Variants in WDR5 observed in about 807,000 individuals in gnomAD.
WDR5 encodes WD repeat-containing protein 5.
For missense variants in WDR5, 187 were observed against 416.9 expected (o/e 0.45, Z 4.80); for synonymous variants, 144 against 161.6 (o/e 0.89, Z 0.83).
At chr9:134,155,807 C>A in intron 12 of WDR5, 40 bp downstream of exon 12, 3 of 1,591,572 alleles carry the variant, frequency 1.9e-6, no homozygotes. Context: ...CTGTTCCCAG[C>A]TTACTCTCCC....
At chr9:134,154,322 G>A (rs1350125674) in intron 9 of WDR5, 144 bp from the exon 10 acceptor site, 11 of 823,142 alleles carry the variant, frequency 1.3e-5, no homozygotes, top group South Asian at 4.5e-5. Context: ...CCTTCGGGGC[G>A]GCGAGGGGTG....
intron 7 of WDR5, among the ~76,000 whole-genome samples, chr9:134,145,790 C>T (rs1009593857): frequency 6.6e-6 from 1 of 152,152 alleles, no homozygotes; most frequent in Non-Finnish European, 1.5e-5. Flanking sequence ...TCCTTGCACC[C>T]GGGACCTGTG....
chr9:134,155,300 C>A, intron 10 of WDR5, 40 bp from the exon 11 acceptor site: 2 of 1,548,758 alleles, frequency 1.3e-6, no homozygotes, highest in South Asian at 1.2e-5. Context: ...CAGAAGGATG[C>A]CTCCAGACAT....
At position 134,157,442 on chromosome 9, in the gene WDR5, G is replaced by A. The variant is rs145546063; in HGVS notation, c.905-451G>A. ...TGGGGTGCTCTGGGGCTTAGCATTG[G>A]GGGGAGGCGGTGGGAGTGGGCGGCT... On this transcript the variant is annotated intron_variant, in intron 13 of 13. Coordinates refer to ENST00000358625, the MANE Select transcript of WDR5 (RefSeq NM_017588.3). This position sits in a 1 kb window ranked among gnomAD's most constrained non-coding sequence, Gnocchi z 5.0. Among the ~76,000 whole-genome samples, 2 of 152,164 alleles carry A rather than the reference G, an allele frequency of 1.3e-5. No individual in the cohort carries two copies. The highest frequency in any genetic ancestry group is 2.9e-5 in the Non-Finnish European group (2 of 68,030).
chr9:134,139,265 G>T (rs28377785), intron 1 of WDR5, among the ~76,000 whole-genome samples: 3,039 of 152,256 alleles, frequency 0.02, 46 homozygotes, highest in Middle Eastern at 0.031. Context: ...GGCAGCCTCG[G>T]GCCAGCAGCC....
At chr9:134,139,533 CT>C (rs1209475424) in intron 1 of WDR5, among the ~76,000 whole-genome samples, 6 of 152,170 alleles carry the variant, frequency 3.9e-5, no homozygotes, top group Admixed American at 1.3e-4. Flanking sequence ...TTTGCACAAA[CT>C]GCTGCATTCT....
At chr9:134,136,467 A>G (rs997764392) in intron 1 of WDR5, among the ~76,000 whole-genome samples, 4 of 151,706 alleles carry the variant, frequency 2.6e-5, no homozygotes, top group African/African-American at 7.3e-5. Flanking sequence ...TGACAAGGCC[A>G]GAGCGCCGGC....
rs368256185 is a variant in WDR5 at position 134,140,828 on chromosome 9, C to T, written c.190+17C>T. 407 of 1,607,048 alleles carry T rather than the reference C, an allele frequency of 2.5e-4. 1 individual carries two copies. Among genetic ancestry groups the T allele is most frequent in the Middle Eastern group, 2.2e-3 (13 of 6,046 alleles). On this transcript the variant is annotated intron_variant, in intron 3 of 13. Transcript: ENST00000358625. ...CAAGTTCATGTACGTAGCACTGAGG[C>T]CCTTAGCTGCTGGGAGAGGCGGTCT...
intron 7 of WDR5, among the ~76,000 whole-genome samples, chr9:134,145,096 G>GTTGTTTTTTTTTTTTTTTTTT (rs1554726635): frequency 2.9e-5 from 3 of 104,664 alleles, no homozygotes; most frequent in African/African-American, 1.0e-4. Context: ...GTGGGGCTTT[G>GTTGTTTTTTTTTTTTTTTTTT]TTTTTTTTTT....
intron 4 of WDR5, 34 bp from the exon 5 acceptor site, chr9:134,141,915 T>C (rs781632874): frequency 1.2e-6 from 2 of 1,601,236 alleles, no homozygotes; most frequent in South Asian, 2.2e-5. Flanking sequence ...TATTTTGTCC[T>C]GTCAAGTTAC....
Position 134,151,976 on chromosome 9 carries a change from T to G in WDR5, c.585-7T>G, listed in dbSNP as rs1245095709. On this transcript the variant is annotated splice_polypyrimidine_tract_variant and splice_region_variant and intron_variant, in intron 8 of 13. Coordinates refer to ENST00000358625, the MANE Select transcript of WDR5 (RefSeq NM_017588.3). ...GCTTACGCTTTTTTGTTCTCTTTGCTTCGAAGTCGCATCTGGGACACCGCC... is the reference window on the plus strand; with the variant it reads ...GCTTACGCTTTTTTGTTCTCTTTGCGTCGAAGTCGCATCTGGGACACCGCC... 1 of 1,613,752 alleles carries G rather than the reference T, an allele frequency of 6.2e-7. No individual in the cohort carries two copies. Among genetic ancestry groups the G allele is most frequent in the Admixed American group, 1.7e-5 (1 of 59,908 alleles).
At chr9:134,139,526 G>T (rs1414621242) in intron 1 of WDR5, among the ~76,000 whole-genome samples, 2 of 152,104 alleles carry the variant, frequency 1.3e-5, no homozygotes, top group African/African-American at 4.8e-5. Flanking sequence ...CATTTTGTTT[G>T]CACAAACTGC....
chr9:134,154,193 C>G (rs1832636363), intron 9 of WDR5, among the ~76,000 whole-genome samples: 1 of 152,208 alleles, frequency 6.6e-6, no homozygotes, highest in Non-Finnish European at 1.5e-5. Context: ...CTGAGAGTGC[C>G]CATGGCCTGG....
rs34443303 is a variant in WDR5 at position 134,148,186 on chromosome 9, CTTTTTTTTTTTT to C, written c.529-88_529-77del. The C allele has an allele frequency of 4.0e-4, 115 of 285,754 alleles. 3 individuals are homozygous for C. Among genetic ancestry groups the C allele is most frequent in the Non-Finnish European group, 6.0e-4 (94 of 155,472 alleles). 17.7% of individuals were successfully genotyped at this position (285,754 alleles called of 1,614,324 possible). A position where few individuals can be genotyped will look rare whatever the true frequency, so the allele number is the denominator to read the frequency against. ...AACAAACAAAAAAACATAACTCAGT[CTTTTTTTTTTTT>C]TTTTTTTTTTTTTGAGATCAGGTAA... is the stretch of plus-strand genomic sequence containing the variant. On this transcript the variant is annotated intron_variant, in intron 7 of 13. Coordinates refer to ENST00000358625, the MANE Select transcript of WDR5 (RefSeq NM_017588.3).
chr9:134,148,210 T>G (rs1182864255), intron 7 of WDR5, 78 bp from the exon 8 acceptor site: 1 of 361,256 alleles, frequency 2.8e-6, no homozygotes, highest in Non-Finnish European at 4.8e-6. Flanking sequence ...TTTTTTTTTT[T>G]TGAGATCAGG....
At position 134,140,689 on chromosome 9, in the gene WDR5, G is replaced by C; in HGVS notation, c.82-14G>C. On this transcript the variant is annotated splice_polypyrimidine_tract_variant and intron_variant, in intron 2 of 13. Transcript: ENST00000358625. ...CAGTGGTGGTGACTTTTTGCTAACT[G>C]GTCTTTCCTGCAGCCTACACCTGTG... The C allele has an allele frequency of 6.2e-7, 1 of 1,612,426 alleles. No individual in the cohort carries two copies.
At chr9:134,156,709 T>C in intron 13 of WDR5, 116 bp downstream of exon 13, 1 of 990,654 alleles carries the variant, frequency 1.0e-6, no homozygotes. Context: ...ACCTCAGCCC[T>C]CCGCTGGCCC....
Position 134,139,833 on chromosome 9 carries a change from C to A in WDR5, c.-45C>A, listed in dbSNP as rs767567732. ...CTCGCTCAACAGACTGCCTCTGTCA[C>A]CGGGTCCCTCCACCCTTGTCTCCTG... On this transcript the variant is annotated 5_prime_UTR_variant, in exon 2 of 14. Transcript: ENST00000358625. The A allele has an allele frequency of 6.2e-7, 1 of 1,608,052 alleles. No homozygotes were observed. Among genetic ancestry groups the A allele is most frequent in the Admixed American group, 1.7e-5 (1 of 59,846 alleles).
At chr9:134,150,794 A>AC (rs1352496335) in intron 8 of WDR5, among the ~76,000 whole-genome samples, 1 of 152,048 alleles carries the variant, frequency 6.6e-6, no homozygotes, top group Non-Finnish European at 1.5e-5. Flanking sequence ...TGGGCCTGGA[A>AC]CCCCCTGCCC....
Sources: gnomAD v4.1 joint callset for allele counts (sites outside exome capture counted in the v4.1 genomes callset) on GRCh38, gnomAD v4.1.1 for gene constraint, Gnocchi (gnomAD v3.1) non-coding constraint, MANE v1.5 for transcripts, NCBI Gene and HGNC (gene_info 2026-07-23, HGNC 2026-07-21) for gene names.